The following MINDY4 variants were observed in gnomAD, a reference collection of about 807,000 sequenced individuals.
MINDY4 encodes the protein MINDY lysine 48 deubiquitinase 4.
In MINDY4, 68 loss-of-function variants were observed where a neutral mutation model predicts 87.0. The ratio of observed to expected loss-of-function variants is 0.78; its 90% CI spans 0.64 to 0.96. MINDY4 has a LOEUF of 0.96. MINDY4 is among the 40% of genes least tolerant of loss of function. The probability of loss-of-function intolerance (pLI) is 0.00; values close to 1 mark genes in which losing one functional copy is unlikely to be tolerated. For missense variants in MINDY4, 919 were observed against 928.2 expected, an observed-to-expected ratio of 0.99 and a Z score of 0.13; for synonymous variants, 379 against 363.2, an observed-to-expected ratio of 1.04 and a Z score of -0.50.
intron 13 of MINDY4, among the ~76,000 whole-genome samples, chr7:30,865,297 G>T (rs2128576165): frequency 6.6e-6 from 1 of 152,378 alleles, no homozygotes; most frequent in South Asian, 2.1e-4. Flanking sequence ...AACAGGAGAA[G>T]AGGAACTTCC....
At chr7:30,885,819 A>G (rs1280751055) in intron 17 of MINDY4, among the ~76,000 whole-genome samples, 1 of 151,208 alleles carries the variant, frequency 6.6e-6, no homozygotes, top group Non-Finnish European at 1.5e-5. Flanking sequence ...TCCATTAGCT[A>G]TCCCCTCATC....
chr7:30,782,311 C>G (rs1344051384), intron 3 of MINDY4, 99 bp downstream of exon 3: 1 of 869,684 alleles, frequency 1.1e-6, no homozygotes, highest in Non-Finnish European at 1.8e-6. Flanking sequence ...TCCAGAGGAA[C>G]AGAATCAATA....
At chr7:30,868,608 T>C (rs113284865) in intron 13 of MINDY4, among the ~76,000 whole-genome samples, 1,917 of 152,310 alleles carry the variant, frequency 0.013, 18 homozygotes, top group Middle Eastern at 0.041. Context: ...TTCTGTACTC[T>C]CTCTGGGCAT....
intron 1 of MINDY4, among the ~76,000 whole-genome samples, chr7:30,775,330 C>T (rs189760878): frequency 1.1e-3 from 163 of 152,234 alleles, no homozygotes; most frequent in African/African-American, 3.7e-3. Flanking sequence ...TAGAATGGCT[C>T]ACAGAACTCG....
chr7:30,875,698 C>T (rs774125918), intron 15 of MINDY4, 42 bp downstream of exon 15: 1 of 1,559,386 alleles, frequency 6.4e-7, no homozygotes, highest in South Asian at 1.2e-5. Context: ...GGGAGCCTGA[C>T]TCTCTGGAGC....
intron 12 of MINDY4, among the ~76,000 whole-genome samples, chr7:30,855,501 C>T (rs1789542994): frequency 6.6e-6 from 1 of 152,214 alleles, no homozygotes; most frequent in South Asian, 2.1e-4. Flanking sequence ...CCACCAGAGC[C>T]AGGAAAAGGA....
At chr7:30,875,391 C>A in intron 14 of MINDY4, 104 bp from the exon 15 acceptor site, 2 of 1,296,378 alleles carry the variant, frequency 1.5e-6, no homozygotes, top group Non-Finnish European at 2.2e-6. Context: ...TCCCTCCTTG[C>A]TTTCCTTCCT....
intron 15 of MINDY4, among the ~76,000 whole-genome samples, chr7:30,877,309 G>A (rs1790291307): frequency 6.6e-6 from 1 of 152,218 alleles, no homozygotes; most frequent in South Asian, 2.1e-4. Context: ...GCGTTGGTCA[G>A]AGAGTAAACT....
chr7:30,771,477 G>C lies in MINDY4; in HGVS notation c.-17G>C. 6.3e-7 allele frequency: 1 copy of C among 1,598,396 alleles called. No homozygotes were observed. Among genetic ancestry groups the C allele is most frequent in the South Asian group, 1.1e-5 (1 of 87,538 alleles). ...CGGCCCGGCGTGGGCCTCGTGGGCAGAGCCAGAGCCAGAGCCATGGACAGC... is the reference window on the plus strand; with the variant it reads ...CGGCCCGGCGTGGGCCTCGTGGGCACAGCCAGAGCCAGAGCCATGGACAGC... On this transcript the variant is annotated 5_prime_UTR_variant, in exon 1 of 18. Coordinates refer to ENST00000265299, the MANE Select transcript of MINDY4 (RefSeq NM_032222.3).
chr7:30,773,486 A>G (rs1372097426), intron 1 of MINDY4, among the ~76,000 whole-genome samples: 1 of 152,108 alleles, frequency 6.6e-6, no homozygotes, highest in East Asian at 1.9e-4. Context: ...CTCATCTTCC[A>G]TGACTGCTTG....
intron 9 of MINDY4, 58 bp downstream of exon 9, chr7:30,840,906 C>T (rs1789013257): frequency 1.4e-6 from 2 of 1,467,728 alleles, no homozygotes; most frequent in African/African-American, 1.4e-5. Context: ...CCAGAGTGTC[C>T]AGAAAAAACA....
chr7:30,777,838 G>A (rs1786874031), intron 1 of MINDY4, among the ~76,000 whole-genome samples: 1 of 152,166 alleles, frequency 6.6e-6, no homozygotes, highest in Non-Finnish European at 1.5e-5. Flanking sequence ...CCCTCACTTC[G>A]CCAACCCCAG....
intron 17 of MINDY4, among the ~76,000 whole-genome samples, chr7:30,886,772 C>T (rs563583808): frequency 1.2e-4 from 19 of 152,314 alleles, no homozygotes; most frequent in African/African-American, 2.9e-4. Flanking sequence ...TTTGCTGTGA[C>T]GCAAACCTCG....
At chr7:30,789,717 C>T (rs941967668) in intron 4 of MINDY4, among the ~76,000 whole-genome samples, 3 of 152,124 alleles carry the variant, frequency 2.0e-5, no homozygotes, top group Admixed American at 6.5e-5. Flanking sequence ...TATTCCAGTC[C>T]AGGCTTTACT....
chr7:30,852,827 G>A (rs761158555), intron 11 of MINDY4, among the ~76,000 whole-genome samples: 11 of 152,218 alleles, frequency 7.2e-5, no homozygotes, highest in Non-Finnish European at 1.6e-4. Flanking sequence ...GAGAATTTTT[G>A]TTTTAACAAA....
intron 6 of MINDY4, among the ~76,000 whole-genome samples, chr7:30,832,657 G>A (rs988283684): frequency 3.3e-5 from 5 of 152,078 alleles, no homozygotes; most frequent in Non-Finnish European, 5.9e-5. Context: ...TTACAGGCCC[G>A]TGCCACCACA....
chr7:30,847,096 G>C (rs1185880728), intron 9 of MINDY4, among the ~76,000 whole-genome samples: 1 of 152,198 alleles, frequency 6.6e-6, no homozygotes, highest in African/African-American at 2.4e-5. Context: ...TGCATTTGTA[G>C]GTGGGCAGGG....
intron 1 of MINDY4, among the ~76,000 whole-genome samples, chr7:30,778,224 C>A (rs947725857): frequency 1.3e-5 from 2 of 152,204 alleles, no homozygotes; most frequent in Non-Finnish European, 2.9e-5. Flanking sequence ...TCCTTATCTG[C>A]GAAATGGCCT....
At chr7:30,877,680 C>CT (rs1469195375) in intron 15 of MINDY4, among the ~76,000 whole-genome samples, 5 of 122,826 alleles carry the variant, frequency 4.1e-5, no homozygotes, top group African/African-American at 2.0e-4. Flanking sequence ...TCTTCTTCTT[C>CT]TTCTTTTTTT....
Sources: allele counts gnomAD v4.1 joint callset (sites outside exome capture counted in the v4.1 genomes callset), GRCh38; gene constraint gnomAD v4.1.1; transcripts MANE v1.5; gene names NCBI Gene and HGNC (gene_info 2026-07-23, HGNC 2026-07-21).